EME2: variants seen among roughly 807,000 people sequenced by gnomAD.
EME2 encodes structure-specific endonuclease subunit EME2.
Under a neutral mutation model 41.9 loss-of-function variants are expected in EME2, and 58 were observed. That is an observed-to-expected ratio of 1.38 (90% CI 1.12 to 1.72). The LOEUF is 1.72. Among genes scored for constraint, EME2 ranks in the 40% most tolerant of loss-of-function variants. EME2 has a pLI of 0.00. For missense variants in EME2, 695 were observed against 541.9 expected (o/e 1.28, Z -2.81); for synonymous variants, 334 against 239.3 (o/e 1.40, Z -3.65).
rs1170021140 is a variant in EME2 at position 1,775,058 on chromosome 16, C to T, written c.495C>T (p.His165=). Residue 165 remains histidine (H), a synonymous_variant, in exon 4 of 8, where the codon CAC becomes CAT. Coordinates refer to ENST00000568449, the MANE Select transcript of EME2 (RefSeq NM_001257370.2). ...ATLTQISGPT[H]WVPWISPETT... is the part of the protein sequence containing the mutation. The stretch of plus-strand genomic sequence containing the variant: ...ATCTTCAGATCTCTGGCCCAACCCA[C>T]TGGGTGCCCTGGATCTCCCCCGAGA... The T allele has an allele frequency of 6.2e-7, 1 of 1,609,984 alleles. No homozygotes were observed. Among genetic ancestry groups the T allele is most frequent in the African/African-American group, 1.3e-5 (1 of 75,078 alleles).
Position 1,781,429 on chromosome 16 carries a change from G to A in EME2, c.*5191G>A, listed in dbSNP as rs748496252. ...ACGGCCCGGGCATCTGCGTCTCGGC[G>A]GGCTGCACTCAGGACGAAGTGCCAG... On this transcript the variant is annotated 3_prime_UTR_variant, in exon 8 of 8. Transcript: ENST00000568449. 1 of 1,612,798 alleles carries A rather than the reference G, an allele frequency of 6.2e-7. No individual in the cohort carries two copies. The highest frequency in any genetic ancestry group is 8.5e-7 in the Non-Finnish European group (1 of 1,180,006).
chr16:1,776,359 A>G lies in EME2; in HGVS notation c.*121A>G. Reference sequence around the variant, plus strand: ...GCCTGGGTGGGTTCTCTGGCTGAGCAGGTCTGACCTCAGGGGAAGGGTGGG... The same window carrying G: ...GCCTGGGTGGGTTCTCTGGCTGAGCGGGTCTGACCTCAGGGGAAGGGTGGG... On this transcript the variant is annotated 3_prime_UTR_variant, in exon 8 of 8. Coordinates refer to ENST00000568449, the MANE Select transcript of EME2 (RefSeq NM_001257370.2). The G allele has an allele frequency of 1.1e-6, 1 of 888,702 alleles. No individual in the cohort carries two copies. Among genetic ancestry groups the G allele is most frequent in the Non-Finnish European group, 1.7e-6 (1 of 576,316 alleles). The allele number at this position is 888,702 out of a possible 1,614,324, so 55.1% of individuals were successfully genotyped here.
Position 1,773,125 on chromosome 16 carries a change from G to T in EME2, c.-103G>T. ...CGCACCTTCTTCCGCGCCATGGCGG[G>T]TCCGCGTCCTCAGCGGTCCGGCCGG... On this transcript the variant is annotated 5_prime_UTR_variant, in exon 1 of 8. Coordinates refer to ENST00000568449, the MANE Select transcript of EME2 (RefSeq NM_001257370.2). The T allele has an allele frequency of 7.2e-7, 1 of 1,391,016 alleles. No homozygotes were observed. The highest frequency in any genetic ancestry group is 9.3e-7 in the Non-Finnish European group (1 of 1,077,990). 86.2% of individuals were successfully genotyped at this position (1,391,016 alleles called of 1,614,324 possible).
At chr16:1,774,220 G>C in intron 2 of EME2, 40 bp from the exon 3 acceptor site, 1 of 1,584,272 alleles carries the variant, frequency 6.3e-7, no homozygotes, top group Non-Finnish European at 8.7e-7. Context: ...GGGGCACCCG[G>C]GGTTGAGACA....
At chr16:1,773,618 A>C in intron 1 of EME2, 87 bp from the exon 2 acceptor site, 1 of 1,539,102 alleles carries the variant, frequency 6.5e-7, no homozygotes, top group Non-Finnish European at 8.8e-7. Flanking sequence ...TGCCGAATGG[A>C]GACTCCCCGG....
In EME2 at chr16:1,777,197, C is replaced by G; in HGVS notation, c.*959C>G. 1 of 1,610,392 alleles carries G rather than the reference C, an allele frequency of 6.2e-7. No homozygotes were observed. The highest frequency in any genetic ancestry group is 8.5e-7 in the Non-Finnish European group (1 of 1,179,828). ...GGGATCGGACACTGGAGCCTTGCGGCGGCTGCAACTCATGCTCAGGACCCA... is the reference window on the plus strand; with the variant it reads ...GGGATCGGACACTGGAGCCTTGCGGGGGCTGCAACTCATGCTCAGGACCCA... On this transcript the variant is annotated 3_prime_UTR_variant, in exon 8 of 8. Transcript: ENST00000568449.
chr16:1,777,380 C>CG lies in EME2; in HGVS notation c.*1145dup. The CG allele has an allele frequency of 6.3e-7, 1 of 1,598,386 alleles. No homozygotes were observed. Among genetic ancestry groups the CG allele is most frequent in the South Asian group, 1.1e-5 (1 of 90,476 alleles). On this transcript the variant is annotated 3_prime_UTR_variant, in exon 8 of 8. Coordinates refer to ENST00000568449, the MANE Select transcript of EME2 (RefSeq NM_001257370.2). The stretch of plus-strand genomic sequence containing the variant: ...GGAGCGGGTGACCTTCATGCTGCTC[C>CG]GGGCCGCCGTGGAGCACACCATCGG...
chr16:1,776,327 A>T lies in EME2; in HGVS notation c.*89A>T, dbSNP rs1239209611. 2 of 1,387,538 alleles carry T rather than the reference A, an allele frequency of 1.4e-6. No individual in the cohort carries two copies. Among genetic ancestry groups the T allele is most frequent in the African/African-American group, 2.8e-5 (2 of 70,196 alleles). The allele number at this position is 1,387,538 out of a possible 1,614,324, so 86.0% of individuals were successfully genotyped here. On this transcript the variant is annotated 3_prime_UTR_variant, in exon 8 of 8. Coordinates refer to ENST00000568449, the MANE Select transcript of EME2 (RefSeq NM_001257370.2). ...GGGGAGGACCCCCAGCCACATGTGG[A>T]CCCTCAGCCTGGGTGGGTTCTCTGG...
Position 1,773,010 on chromosome 16 carries a change from T to TC in EME2, c.-216dup. 2 of 1,457,586 alleles carry TC rather than the reference T, an allele frequency of 1.4e-6. No homozygotes were observed. The allele number at this position is 1,457,586 out of a possible 1,614,324, so 90.3% of individuals were successfully genotyped here. On this transcript the variant is annotated 5_prime_UTR_variant, in exon 1 of 8. Coordinates refer to ENST00000568449, the MANE Select transcript of EME2 (RefSeq NM_001257370.2). Reference sequence around the variant, plus strand: ...GAACGGCCGCGTCAAGGTCTCGTAGTCCACCGCGTAGAGCTGGGAGTCGCG... The same window carrying TC: ...GAACGGCCGCGTCAAGGTCTCGTAGTCCCACCGCGTAGAGCTGGGAGTCGCG...
At position 1,773,332 on chromosome 16, in the gene EME2, C is replaced by T. The variant is rs771831521; in HGVS notation, c.105C>T (p.Asp35=). ...GACCTCCAACCTGGGAGATCTCAGA[C>T]TCCGACGCTGAGGACTCCGCCGGCT... ...QRRPPTWEIS[D]SDAEDSAGSE... Residue 35 remains aspartate, a synonymous_variant, in exon 1 of 8, where the codon GAC becomes GAT. Coordinates refer to ENST00000568449, the MANE Select transcript of EME2 (RefSeq NM_001257370.2). 3 of 1,515,440 alleles carry T rather than the reference C, an allele frequency of 2.0e-6. No individual in the cohort carries two copies. Among genetic ancestry groups the T allele is most frequent in the Admixed American group, 4.1e-5 (2 of 49,036 alleles). 93.9% of individuals were successfully genotyped at this position (1,515,440 alleles called of 1,614,324 possible).
intron 1 of EME2, 102 bp downstream of exon 1, chr16:1,773,576 G>A: frequency 6.6e-7 from 1 of 1,518,244 alleles, no homozygotes; most frequent in Non-Finnish European, 8.8e-7. Context: ...CGAGGGGCCT[G>A]GGGCCGGGCC....
Position 1,775,270 on chromosome 16 carries a change from G to C in EME2, c.570-45G>C, listed in dbSNP as rs751321262. ...TCTGGCAGAGGCCAAGCTCGGGCAG[G>C]GCAGGCCCCATGGGGAGCGGGGAGG... On this transcript the variant is annotated intron_variant, in intron 4 of 7. Coordinates refer to ENST00000568449, the MANE Select transcript of EME2 (RefSeq NM_001257370.2). 2.0e-5 allele frequency: 32 copies of C among 1,602,096 alleles called. No homozygotes were observed. The Middle Eastern group carries it at 8.2e-4, about 41-fold the overall frequency.
chr16:1,772,864 G>C lies in EME2; in HGVS notation c.-364G>C, dbSNP rs758051458. 16 of 1,452,362 alleles carry C rather than the reference G, an allele frequency of 1.1e-5. No individual in the cohort carries two copies. Among genetic ancestry groups the C allele is most frequent in the Non-Finnish European group, 1.8e-6 (2 of 1,109,064 alleles). 90.0% of individuals were successfully genotyped at this position (1,452,362 alleles called of 1,614,324 possible). A position where few individuals can be genotyped will look rare whatever the true frequency, so the allele number is the denominator to read the frequency against. On this transcript the variant is annotated 5_prime_UTR_variant, in exon 1 of 8. Coordinates refer to ENST00000568449, the MANE Select transcript of EME2 (RefSeq NM_001257370.2). Reference sequence around the variant, plus strand: ...TAGCACGGCTCGTCGTGCTGCCACAGCCAGGACTTGCGCGTGACCAGGCGG... The same window carrying C: ...TAGCACGGCTCGTCGTGCTGCCACACCCAGGACTTGCGCGTGACCAGGCGG...
Position 1,777,944 on chromosome 16 carries a change from A to G in EME2, c.*1706A>G. The G allele has an allele frequency of 6.2e-7, 1 of 1,612,432 alleles. No individual in the cohort carries two copies. Among genetic ancestry groups the G allele is most frequent in the Admixed American group, 1.7e-5 (1 of 59,994 alleles). The stretch of plus-strand genomic sequence containing the variant: ...CCCCGCCCCACCCTGGGCCTCACGC[A>G]CCCGTGTAGGAGAGGCCCCAGCTGT... On this transcript the variant is annotated 3_prime_UTR_variant, in exon 8 of 8. Coordinates refer to ENST00000568449, the MANE Select transcript of EME2 (RefSeq NM_001257370.2).
In EME2 at chr16:1,778,198, T is replaced by A; in HGVS notation, c.*1960T>A. On this transcript the variant is annotated 3_prime_UTR_variant, in exon 8 of 8. Transcript: ENST00000568449. The stretch of plus-strand genomic sequence containing the variant: ...CCAGAAGTGCTGGCCCTCCCCCAGC[T>A]CCTTGGTGCCCCGGATGGCCGCTGT... 6.2e-7 allele frequency: 1 copy of A among 1,612,948 alleles called. No homozygotes were observed. Among genetic ancestry groups the A allele is most frequent in the South Asian group, 1.1e-5 (1 of 91,074 alleles).
Position 1,777,713 on chromosome 16 carries a change from G to A in EME2, c.*1475G>A, listed in dbSNP as rs1475918764. 1.9e-6 allele frequency: 3 copies of A among 1,607,340 alleles called. No homozygotes were observed. The highest frequency in any genetic ancestry group is 2.2e-5 in the East Asian group (1 of 44,764). ...GGTGGCTGCCTCCCTCGGGGTGACA[G>A]CTGAGAGGAGCTCAAGTCCTGTGAC... On this transcript the variant is annotated 3_prime_UTR_variant, in exon 8 of 8. Coordinates refer to ENST00000568449, the MANE Select transcript of EME2 (RefSeq NM_001257370.2).
Position 1,773,463 on chromosome 16 carries a change from G to T in EME2, c.236G>T (p.Cys79Phe), listed in dbSNP as rs190213042. The T allele has an allele frequency of 4.3e-4, 680 of 1,578,974 alleles. 6 individuals are homozygous for T. The African/African-American group carries it at 7.6e-3, about 18-fold the overall frequency. ...CAGGTCCTGAAGCGCCTCGCGGTGT[G>T]CGTGGACACAGGTGCGGCGGAGGGC... The part of the protein sequence containing the change: ...PEQVLKRLAV[C>F]VDTAILEDAG... The change falls in exon 1 of 8, where the codon TGC becomes TTC. Residue 79 changes from cysteine to phenylalanine, a missense_variant. Physicochemically the swap from Cys to Phe is radical, Grantham distance 205. Transcript: ENST00000568449.
In EME2 at chr16:1,781,507, C is replaced by T; in HGVS notation, c.*5269C>T. 6.2e-7 allele frequency: 1 copy of T among 1,609,484 alleles called. No homozygotes were observed. The highest frequency in any genetic ancestry group is 8.5e-7 in the Non-Finnish European group (1 of 1,178,334). ...ATGGTGGAAAGAATCTAGAAGAAAACACAGGCTCTGGGCAAAGGAAGACTC... is the reference window on the plus strand; with the variant it reads ...ATGGTGGAAAGAATCTAGAAGAAAATACAGGCTCTGGGCAAAGGAAGACTC... On this transcript the variant is annotated 3_prime_UTR_variant, in exon 8 of 8. Transcript: ENST00000568449.
rs750884835 is a variant in EME2, at chr16:1,778,581, G to C, written c.*2343G>C. On this transcript the variant is annotated 3_prime_UTR_variant, in exon 8 of 8. Coordinates refer to ENST00000568449, the MANE Select transcript of EME2 (RefSeq NM_001257370.2). ...ACTGGGGATGGATGGCGGCAGCGTG[G>C]AGTACTCGGGGTCGGAGTCCGAGTC... The C allele has an allele frequency of 7.6e-6, 12 of 1,587,112 alleles. No homozygotes were observed. In the African/African-American group the frequency reaches 1.6e-4, roughly 21 times the overall value.
Sources: allele counts gnomAD v4.1 joint callset, GRCh38; gene constraint gnomAD v4.1.1; transcripts MANE v1.5; gene names NCBI Gene and HGNC (gene_info 2026-07-23, HGNC 2026-07-21).